The following MACROD2 variants were observed in gnomAD, a reference collection of about 807,000 sequenced individuals.
The protein encoded by MACROD2 is ADP-ribose glycohydrolase MACROD2.
A neutral mutation model predicts 70.4 loss-of-function variants in MACROD2; 36 were observed. That is an observed-to-expected ratio of 0.51 (90% CI 0.39 to 0.68). MACROD2 has a LOEUF of 0.68. Among genes scored for constraint, MACROD2 ranks in the 30% least tolerant of loss-of-function variants. The probability of loss-of-function intolerance (pLI) is 0.00; values close to 1 mark genes in which losing one functional copy is unlikely to be tolerated. For synonymous variants in MACROD2, 172 were observed against 178.8 expected, an observed-to-expected ratio of 0.96 and a Z score of 0.30; for missense variants, 496 against 538.4, an observed-to-expected ratio of 0.92 and a Z score of 0.78.
At chr20:15,608,343 C>T (rs2048921560) in intron 8 of MACROD2, among the ~76,000 whole-genome samples, 1 of 152,192 alleles carries the variant, frequency 6.6e-6, no homozygotes, top group African/African-American at 2.4e-5. Flanking sequence ...GGAATGTCAG[C>T]AGATATAATG....
intron 7 of MACROD2, among the ~76,000 whole-genome samples, chr20:15,484,042 C>CTTTTATTTTATTTTATTTTATTTTA (rs3071258): frequency 9.3e-4 from 127 of 136,372 alleles, no homozygotes; most frequent in South Asian, 4.2e-3. Flanking sequence ...ATCATTATGC[C>CTTTTATTTTATTTTATTTTATTTTA]TTTTATTTTA....
intron 5 of MACROD2, among the ~76,000 whole-genome samples, chr20:14,992,865 G>A (rs1328410630): frequency 6.6e-6 from 1 of 150,700 alleles, no homozygotes; most frequent in African/African-American, 2.5e-5. Context: ...CTGCTGGAAA[G>A]CAAGAACCTG....
chr20:15,095,017 C>A (rs1010490947), intron 5 of MACROD2, among the ~76,000 whole-genome samples: 5 of 149,420 alleles, frequency 3.3e-5, no homozygotes, highest in Non-Finnish European at 5.9e-5. Flanking sequence ...TACAGTGAGA[C>A]CATGGGAGTC....
intron 3 of MACROD2, among the ~76,000 whole-genome samples, chr20:14,275,265 A>G (rs1281782740): frequency 1.3e-5 from 2 of 152,232 alleles, no homozygotes; most frequent in Non-Finnish European, 2.9e-5. Context: ...ACGGCATGGT[A>G]CTGGTACCCA....
intron 6 of MACROD2, among the ~76,000 whole-genome samples, chr20:15,311,851 T>C (rs1314147300): frequency 2.0e-5 from 3 of 152,144 alleles, no homozygotes; most frequent in Non-Finnish European, 2.9e-5. Context: ...TACCTGGTGA[T>C]TGGATCATTT....
chr20:15,915,989 G>A (rs2065308804), intron 10 of MACROD2, among the ~76,000 whole-genome samples: 1 of 152,014 alleles, frequency 6.6e-6, no homozygotes, highest in Non-Finnish European at 1.5e-5. Flanking sequence ...ATCATGAAGA[G>A]GTAAAATGTA....
chr20:15,599,762 T>C (rs1229850260), intron 8 of MACROD2, among the ~76,000 whole-genome samples: 1 of 152,184 alleles, frequency 6.6e-6, no homozygotes, highest in East Asian at 1.9e-4. Flanking sequence ...CGCAAATGCA[T>C]GAAAATTACT....
intron 3 of MACROD2, among the ~76,000 whole-genome samples, chr20:14,395,988 C>T (rs2083576075): frequency 6.6e-6 from 1 of 152,214 alleles, no homozygotes; most frequent in Non-Finnish European, 1.5e-5. Context: ...CTCCTGGACT[C>T]AAGTGACTGT....
At chr20:15,251,387 T>G (rs2077154609) in intron 6 of MACROD2, among the ~76,000 whole-genome samples, 1 of 152,094 alleles carries the variant, frequency 6.6e-6, no homozygotes, top group Admixed American at 6.6e-5. Context: ...AAACATGGAG[T>G]GTATTGTTTT....
chr20:15,036,457 C>T (rs2075313917), intron 5 of MACROD2, among the ~76,000 whole-genome samples: 1 of 152,166 alleles, frequency 6.6e-6, no homozygotes, highest in Non-Finnish European at 1.5e-5. Flanking sequence ...CTCAGAAACT[C>T]TGGTATCCCC....
chr20:14,650,889 GA>G (rs947385497), intron 4 of MACROD2, among the ~76,000 whole-genome samples: 2 of 152,162 alleles, frequency 1.3e-5, no homozygotes, highest in Non-Finnish European at 2.9e-5. Flanking sequence ...TTCACAGTTT[GA>G]AAAACCCCAA....
At chr20:15,403,646 G>T (rs2045960226) in intron 6 of MACROD2, among the ~76,000 whole-genome samples, 1 of 152,126 alleles carries the variant, frequency 6.6e-6, no homozygotes, top group African/African-American at 2.4e-5. Context: ...GGGCCATGCG[G>T]TCTAAGTGGA....
chr20:16,050,376 C>T lies in MACROD2; in HGVS notation c.*500C>T, dbSNP rs943930800. Reference sequence around the variant, plus strand: ...GGCAGGATAGAAAATGGGCAAAAGCCTCGGAAACCACTTGGAAAAGGTCTG... The same window carrying T: ...GGCAGGATAGAAAATGGGCAAAAGCTTCGGAAACCACTTGGAAAAGGTCTG... On this transcript the variant is annotated 3_prime_UTR_variant, in exon 18 of 18. Coordinates refer to ENST00000684519, the MANE Select transcript of MACROD2 (RefSeq NM_001351661.2). 1 of 152,594 alleles carries T rather than the reference C, an allele frequency of 6.6e-6. No individual in the cohort carries two copies. Among genetic ancestry groups the T allele is most frequent in the African/African-American group, 2.4e-5 (1 of 41,440 alleles). 9.5% of individuals were successfully genotyped at this position (152,594 alleles called of 1,614,324 possible). A position where few individuals can be genotyped will look rare whatever the true frequency, so the allele number is the denominator to read the frequency against.
At chr20:14,900,733 T>G (rs533805530) in intron 5 of MACROD2, among the ~76,000 whole-genome samples, 13 of 152,146 alleles carry the variant, frequency 8.5e-5, no homozygotes, top group African/African-American at 2.9e-4. Flanking sequence ...TCAATTTTGT[T>G]GGTCCTTTCA....
intron 2 of MACROD2, among the ~76,000 whole-genome samples, chr20:14,026,109 TGTCTTTTTTG>T (rs774553035): frequency 2.6e-5 from 4 of 152,226 alleles, no homozygotes; most frequent in Admixed American, 6.5e-5. Context: ...TGCCCTTCTT[TGTCTTTTTTG>T]ATCTTTGTTG....
chr20:14,274,782 A>C (rs537792713), intron 3 of MACROD2, among the ~76,000 whole-genome samples: 5 of 151,964 alleles, frequency 3.3e-5, no homozygotes, highest in Admixed American at 6.6e-5. Context: ...TTAAGCTGAT[A>C]AGCAATTTCA....
chr20:15,436,724 T>C (rs2146366992), intron 7 of MACROD2, among the ~76,000 whole-genome samples: 1 of 21,212 alleles, frequency 4.7e-5, no homozygotes, highest in Non-Finnish European at 9.8e-5. Context: ...TCTTTCATCT[T>C]TTTTTTATTA....
chr20:14,436,983 T>G (rs2084063346), intron 3 of MACROD2, among the ~76,000 whole-genome samples: 1 of 152,184 alleles, frequency 6.6e-6, no homozygotes, highest in Non-Finnish European at 1.5e-5. Context: ...AAGTGGATTT[T>G]CACTTATACA....
chr20:15,879,941 A>G (rs964829794), intron 9 of MACROD2, among the ~76,000 whole-genome samples: 4 of 152,114 alleles, frequency 2.6e-5, no homozygotes, highest in African/African-American at 9.7e-5. Context: ...AAGGCAGGAA[A>G]AAAACCCCAA....
Sources: gnomAD v4.1 joint callset for allele counts (sites outside exome capture counted in the v4.1 genomes callset) on GRCh38, gnomAD v4.1.1 for gene constraint, MANE v1.5 for transcripts, NCBI Gene and HGNC (gene_info 2026-07-23, HGNC 2026-07-21) for gene names.